UBE3C: variants seen among roughly 807,000 people sequenced by gnomAD.
The protein encoded by UBE3C is ubiquitin-protein ligase E3C.
UBE3C carries 42 observed loss-of-function variants against 129.4 expected under a neutral mutation model. The ratio of observed to expected loss-of-function variants is 0.32; its 90% CI spans 0.25 to 0.42. UBE3C has a LOEUF of 0.42. UBE3C is among the 10% of genes least tolerant of loss of function. The pLI, the probability that UBE3C is intolerant of heterozygous loss-of-function variation, is 1.00. For synonymous variants in UBE3C, 510 were observed against 492.4 expected (o/e 1.04, Z -0.47); for missense variants, 1,049 against 1,319.1 (o/e 0.80, Z 3.17).
intron 17 of UBE3C, among the ~76,000 whole-genome samples, chr7:157,228,474 C>G (rs2116630880): frequency 6.6e-6 from 1 of 152,360 alleles, no homozygotes; most frequent in Middle Eastern, 3.4e-3. Flanking sequence ...CTGCACTCTG[C>G]TGTCATCAGT....
At chr7:157,227,295 C>T (rs76782860) in intron 17 of UBE3C, among the ~76,000 whole-genome samples, 1,934 of 152,170 alleles carry the variant, frequency 0.013, 42 homozygotes, top group African/African-American at 0.045. Context: ...AGGGGAGCTC[C>T]GAGGGCACGG....
intron 15 of UBE3C, chr7:157,221,570 G>GTCT (rs1442006201): frequency 6.6e-6 from 1 of 152,152 alleles, no homozygotes; most frequent in Non-Finnish European, 1.5e-5. Context: ...GTGAAACCCC[G>GTCT]TCTCTACTAA....
intron 10 of UBE3C, among the ~76,000 whole-genome samples, chr7:157,198,763 G>T (rs948979867): frequency 6.6e-6 from 1 of 152,190 alleles, no homozygotes; most frequent in African/African-American, 2.4e-5. Context: ...TCGAACCCCT[G>T]ACCTCAGGTG....
intron 2 of UBE3C, among the ~76,000 whole-genome samples, chr7:157,168,825 G>A (rs891427967): frequency 6.6e-6 from 1 of 152,192 alleles, no homozygotes; most frequent in South Asian, 2.1e-4. Context: ...GAATGGAGAC[G>A]GGGCTTCTGG....
rs147977568 is a variant in UBE3C, at chr7:157,267,677, C to T, written c.3174C>T (p.Pro1058=). 25 of 1,613,752 alleles carry T rather than the reference C, an allele frequency of 1.5e-5. No homozygotes were observed. Among genetic ancestry groups the T allele is most frequent in the South Asian group, 1.5e-4 (14 of 90,986 alleles). Residue 1058 remains proline (P), a synonymous_variant, in exon 23 of 23, where the codon CCC becomes CCT. Coordinates refer to ENST00000348165, the MANE Select transcript of UBE3C (RefSeq NM_014671.3). ...CCTGCATGAACCTGCTGAAGCTCCC[C>T]GAGTTCTATGACGAGACACTTTTGC... ...ASTCMNLLKL[P]EFYDETLLRS...
At chr7:157,202,872 G>A (rs575142084) in intron 11 of UBE3C, among the ~76,000 whole-genome samples, 39 of 152,328 alleles carry the variant, frequency 2.6e-4, no homozygotes, top group African/African-American at 9.1e-4. Context: ...GGGCAAGAGT[G>A]TAGAAAGTGG....
At chr7:157,232,746 T>C (rs983231883) in intron 18 of UBE3C, among the ~76,000 whole-genome samples, 1 of 152,248 alleles carries the variant, frequency 6.6e-6, no homozygotes, top group Non-Finnish European at 1.5e-5. Context: ...AACTTTGTAA[T>C]AAAATTTCTT....
chr7:157,269,196 A>G lies in UBE3C; in HGVS notation c.*1441A>G, dbSNP rs1187770857. 2.0e-5 allele frequency: 3 copies of G among 152,554 alleles called. No homozygotes were observed. The highest frequency in any genetic ancestry group is 1.9e-4 in the East Asian group (1 of 5,204). 9.5% of individuals were successfully genotyped at this position (152,554 alleles called of 1,614,324 possible). A position where few individuals can be genotyped will look rare whatever the true frequency, so the allele number is the denominator to read the frequency against. Reference sequence around the variant, plus strand: ...TAGGTTGTTTTATGTTGAATGTTCTATATCTTATTAGTTAATTTGTATATT... The same window carrying G: ...TAGGTTGTTTTATGTTGAATGTTCTGTATCTTATTAGTTAATTTGTATATT... On this transcript the variant is annotated 3_prime_UTR_variant, in exon 23 of 23. Transcript: ENST00000348165.
chr7:157,255,145 C>T (rs1462188132), intron 21 of UBE3C, among the ~76,000 whole-genome samples: 3 of 151,408 alleles, frequency 2.0e-5, no homozygotes, highest in Admixed American at 6.6e-5. Flanking sequence ...TATACATACA[C>T]AACGTACATG....
intron 22 of UBE3C, among the ~76,000 whole-genome samples, chr7:157,258,921 C>T (rs1796826907): frequency 6.6e-6 from 1 of 152,234 alleles, no homozygotes; most frequent in African/African-American, 2.4e-5. Context: ...TCATTCTTTT[C>T]ATGCATTTCT....
At chr7:157,166,352 T>TA (rs567017768) in intron 2 of UBE3C, among the ~76,000 whole-genome samples, 63 of 152,242 alleles carry the variant, frequency 4.1e-4, no homozygotes, top group Non-Finnish European at 7.8e-4. Flanking sequence ...TAAAAATACT[T>TA]ACTCTTTGGT....
At chr7:157,156,375 C>T (rs1013137244) in intron 1 of UBE3C, among the ~76,000 whole-genome samples, 19 of 141,698 alleles carry the variant, frequency 1.3e-4, no homozygotes, top group Admixed American at 9.2e-4. Flanking sequence ...GGCATGATCT[C>T]GGCTCACTGC....
chr7:157,238,846 C>A (rs58313408), intron 18 of UBE3C, among the ~76,000 whole-genome samples: 8,810 of 152,084 alleles, frequency 0.058, 602 homozygotes, highest in African/African-American at 0.16. Flanking sequence ...GGAGATGAAG[C>A]TGGAAAGGAA....
intron 19 of UBE3C, among the ~76,000 whole-genome samples, chr7:157,252,863 C>T (rs929354): frequency 0.5 from 75,861 of 152,012 alleles, 22,025 homozygotes; most frequent in Non-Finnish European, 0.64. Flanking sequence ...TATAGGTTGC[C>T]CTCATCTAAC....
At chr7:157,217,245 G>A in intron 14 of UBE3C, 1 of 257,834 alleles carries the variant, frequency 3.9e-6, no homozygotes, top group Non-Finnish European at 7.4e-6. Context: ...TTGTGAGGTT[G>A]AAAAATATTT....
At chr7:157,172,770 C>G (rs1162879302) in intron 4 of UBE3C, among the ~76,000 whole-genome samples, 2 of 152,198 alleles carry the variant, frequency 1.3e-5, no homozygotes, top group Non-Finnish European at 2.9e-5. Context: ...ACAGGATGTC[C>G]TGGCCTCACA....
At chr7:157,147,556 T>C (rs1391768234) in intron 1 of UBE3C, among the ~76,000 whole-genome samples, 2 of 152,176 alleles carry the variant, frequency 1.3e-5, no homozygotes, top group African/African-American at 2.4e-5. Context: ...AAGCAATGTG[T>C]TTTATTGTCT....
intron 1 of UBE3C, among the ~76,000 whole-genome samples, chr7:157,150,971 C>T (rs1469214108): frequency 2.6e-5 from 4 of 152,184 alleles, no homozygotes; most frequent in Admixed American, 6.5e-5. Context: ...AGTTCTCGGC[C>T]GCTTGCGGGG....
chr7:157,196,046 A>T (rs1809111135), intron 10 of UBE3C, among the ~76,000 whole-genome samples: 1 of 152,206 alleles, frequency 6.6e-6, no homozygotes, highest in Non-Finnish European at 1.5e-5. Flanking sequence ...CAATGGGACT[A>T]ATTTAATCAT....
Sources: allele counts gnomAD v4.1 joint callset (sites outside exome capture counted in the v4.1 genomes callset), GRCh38; gene constraint gnomAD v4.1.1; transcripts MANE v1.5; gene names NCBI Gene and HGNC (gene_info 2026-07-23, HGNC 2026-07-21).